DGKB: variants seen among roughly 807,000 people sequenced by gnomAD.
The protein encoded by DGKB is 90 kDa diacylglycerol kinase.
Under a neutral mutation model 114.3 loss-of-function variants are expected in DGKB, and 67 were observed. That is an observed-to-expected ratio of 0.59 (90% CI 0.48 to 0.72). The LOEUF is 0.72. DGKB is among the 30% of genes least tolerant of loss of function. The probability of loss-of-function intolerance (pLI) is 0.00; values close to 1 mark genes in which losing one functional copy is unlikely to be tolerated. For missense variants in DGKB, 907 were observed against 975.2 expected (o/e 0.93, Z 0.93); for synonymous variants, 398 against 323.1 (o/e 1.23, Z -2.49).
intron 25 of DGKB, among the ~76,000 whole-genome samples, chr7:14,160,141 A>G (rs1014025196): frequency 6.6e-6 from 1 of 152,164 alleles, no homozygotes; most frequent in Non-Finnish European, 1.5e-5. Context: ...AATAATAGCT[A>G]TTTATGACAA....
At chr7:14,224,461 G>T (rs144190450) in intron 23 of DGKB, among the ~76,000 whole-genome samples, 1 of 151,760 alleles carries the variant, frequency 6.6e-6, no homozygotes, top group African/African-American at 2.4e-5. Flanking sequence ...TAATTTGAAG[G>T]CTTTGTCTGT....
rs576357903 is a variant in DGKB, at chr7:14,778,338, C to T, written c.71-20607G>A. Reference sequence around the variant, plus strand: ...TATTGCAGTCTCCATTAAGCTAATACCCACGACCTGTTTTCTTGTTTTTTT... The same window carrying T: ...TATTGCAGTCTCCATTAAGCTAATATCCACGACCTGTTTTCTTGTTTTTTT... On this transcript the variant is annotated intron_variant, in intron 2 of 25. Transcript: ENST00000402815. Among the ~76,000 whole-genome samples, 435 of 152,230 alleles carry T rather than the reference C, an allele frequency of 2.9e-3. 2 individuals carry two copies. Among genetic ancestry groups the T allele is most frequent in the African/African-American group, 0.01 (419 of 41,514 alleles).
intron 6 of DGKB, 33 bp from the exon 7 acceptor site, chr7:14,701,763 T>G: frequency 2.0e-6 from 3 of 1,465,620 alleles, no homozygotes; most frequent in Non-Finnish European, 2.9e-6. Flanking sequence ...AACAAGATTA[T>G]AGGCAAATAA....
At position 14,471,194 on chromosome 7, in the gene DGKB, T is replaced by C. The variant is rs1046203373; in HGVS notation, c.1835+6967A>G. On this transcript the variant is annotated intron_variant, in intron 21 of 25. Transcript: ENST00000402815. ...TGGAATATATGTATATATACATATA[T>C]GTATGGAATATATGTATATATACAT... Among the ~76,000 whole-genome samples the C allele has an allele frequency of 6.2e-5, 8 of 128,950 alleles. 1 individual carries two copies. Among genetic ancestry groups the C allele is most frequent in the African/African-American group, 2.4e-4 (8 of 32,816 alleles). 84.6% of individuals were successfully genotyped at this position (128,950 alleles called of 152,430 possible).
chr7:14,656,117 G>C (rs557252385), intron 13 of DGKB, among the ~76,000 whole-genome samples: 3 of 151,590 alleles, frequency 2.0e-5, no homozygotes, highest in African/African-American at 7.2e-5. Flanking sequence ...TTTCATACAG[G>C]CATCAAAATA....
chr7:14,647,797 C>T (rs367738100), intron 13 of DGKB, among the ~76,000 whole-genome samples: 34 of 152,258 alleles, frequency 2.2e-4, no homozygotes, highest in African/African-American at 4.6e-4. Context: ...GCACCATGCG[C>T]GAGCCGAAGC....
At chr7:14,457,420 A>G (rs535519800) in intron 21 of DGKB, among the ~76,000 whole-genome samples, 3 of 152,154 alleles carry the variant, frequency 2.0e-5, no homozygotes, top group Non-Finnish European at 4.4e-5. Flanking sequence ...TCTTAAAGTA[A>G]ATATAGTATT....
intron 1 of DGKB, among the ~76,000 whole-genome samples, chr7:14,895,949 C>T (rs1288031315): frequency 6.6e-6 from 1 of 151,706 alleles, no homozygotes; most frequent in Non-Finnish European, 1.5e-5. Flanking sequence ...CTCAGCAAAA[C>T]AAGTTACTGA....
intron 5 of DGKB, among the ~76,000 whole-genome samples, chr7:14,732,815 A>T (rs751853685): frequency 2.6e-5 from 4 of 152,062 alleles, no homozygotes; most frequent in Non-Finnish European, 5.9e-5. Flanking sequence ...GGCATCTTCT[A>T]TTCAGTAGAT....
intron 1 of DGKB, among the ~76,000 whole-genome samples, chr7:14,919,125 A>ACACACACAC (rs1420419755): frequency 1.0e-5 from 1 of 95,558 alleles, no homozygotes; most frequent in Non-Finnish European, 2.0e-5. Flanking sequence ...CACACACACA[A>ACACACACAC]AGTTTATATG....
intron 1 of DGKB, among the ~76,000 whole-genome samples, chr7:14,851,127 T>C (rs189904285): frequency 6.6e-5 from 10 of 152,264 alleles, no homozygotes; most frequent in African/African-American, 2.4e-4. Flanking sequence ...ATACAGTACA[T>C]ATACGGGGGA....
At chr7:14,716,271 G>T (rs1828169157) in intron 6 of DGKB, among the ~76,000 whole-genome samples, 1 of 152,104 alleles carries the variant, frequency 6.6e-6, no homozygotes, top group African/African-American at 2.4e-5. Context: ...TGTTAGAAAT[G>T]CACATTTTCA....
chr7:14,492,772 T>A (rs1279422337), intron 20 of DGKB, among the ~76,000 whole-genome samples: 1 of 152,078 alleles, frequency 6.6e-6, no homozygotes, highest in African/African-American at 2.4e-5. Context: ...GAAATTTAAA[T>A]CCTTTTGATA....
At position 14,178,039 on chromosome 7, in the gene DGKB, C is replaced by T. The variant is rs1248288401; in HGVS notation, c.2235G>A (p.Val745=). The change falls in exon 24 of 26, where the codon GTG becomes GTA. Residue 745 remains valine, a synonymous_variant. Transcript: ENST00000402815. ...AGRRLAQCSC[V]VIRTSKSLPM... ...TACAGAAAGGGAACTACCTGATGAC[C>T]ACGCAGGAGCACTGAGCCAGCCGCC... is the stretch of plus-strand genomic sequence containing the variant. 6.3e-7 allele frequency: 1 copy of T among 1,574,832 alleles called. No individual in the cohort carries two copies. The highest frequency in any genetic ancestry group is 8.6e-7 in the Non-Finnish European group (1 of 1,164,688).
chr7:14,421,090 C>T (rs1394052698), intron 21 of DGKB, among the ~76,000 whole-genome samples: 1 of 152,110 alleles, frequency 6.6e-6, no homozygotes, highest in Non-Finnish European at 1.5e-5. Flanking sequence ...CCTCCACTTC[C>T]ATCCTTTATT....
intron 21 of DGKB, among the ~76,000 whole-genome samples, chr7:14,351,625 C>T (rs976425592): frequency 3.3e-5 from 5 of 151,948 alleles, no homozygotes; most frequent in African/African-American, 1.2e-4. Context: ...ATAAATTCAC[C>T]AATAAAGAGT....
At chr7:14,256,135 T>A (rs1457155600) in intron 23 of DGKB, among the ~76,000 whole-genome samples, 1 of 152,254 alleles carries the variant, frequency 6.6e-6, no homozygotes, top group Non-Finnish European at 1.5e-5. Context: ...TTTGCTTATC[T>A]ATTGAATCTT....
At chr7:14,299,886 A>G (rs1803221003) in intron 23 of DGKB, among the ~76,000 whole-genome samples, 1 of 151,978 alleles carries the variant, frequency 6.6e-6, no homozygotes. Flanking sequence ...ATTCAGCAAA[A>G]AAAAACCTTT....
rs184883324 is a variant in DGKB, at chr7:14,256,324, T to C, written c.2123-78173A>G. Among the ~76,000 whole-genome samples, 6 of 152,186 alleles carry C rather than the reference T, an allele frequency of 3.9e-5. No homozygotes were observed. In the East Asian group the frequency reaches 5.8e-4, roughly 15 times the overall value. Reference sequence around the variant, plus strand: ...CTTTCTTCTTTTCTAGTACTTGTATTATAGTCATATTGATTTCTCAGCTCA... The same window carrying C: ...CTTTCTTCTTTTCTAGTACTTGTATCATAGTCATATTGATTTCTCAGCTCA... On this transcript the variant is annotated intron_variant, in intron 23 of 25. Transcript: ENST00000402815.
Sources: allele counts gnomAD v4.1 joint callset (sites outside exome capture counted in the v4.1 genomes callset), GRCh38; gene constraint gnomAD v4.1.1; transcripts MANE v1.5; gene names NCBI Gene and HGNC (gene_info 2026-07-23, HGNC 2026-07-21).